SH3GL3: variants seen among roughly 807,000 people sequenced by gnomAD.
SH3GL3 encodes SH3 domain containing GRB2 like 3, endophilin A3, also known as endophilin-A3.
A neutral mutation model predicts 47.7 loss-of-function variants in SH3GL3; 33 were observed. The observed-to-expected ratio is 0.69, with a 90% confidence interval of 0.52 to 0.92. The LOEUF (loss-of-function observed/expected upper bound fraction) is 0.92, where lower values mean the gene tolerates loss of function less well. Among genes scored for constraint, SH3GL3 ranks in the 40% least tolerant of loss-of-function variants. The pLI, the probability that SH3GL3 is intolerant of heterozygous loss-of-function variation, is 0.00. For missense variants in SH3GL3, 363 were observed against 417.8 expected (o/e 0.87, Z 1.14); for synonymous variants, 155 against 148.8 (o/e 1.04, Z -0.30).
At chr15:83,495,892 T>C (rs761683582) in intron 1 of SH3GL3, among the ~76,000 whole-genome samples, 4 of 152,072 alleles carry the variant, frequency 2.6e-5, no homozygotes, top group Non-Finnish European at 5.9e-5. Context: ...TTTTTATATG[T>C]GTGTGTGTTT....
chr15:83,494,089 A>C (rs527698585), intron 1 of SH3GL3, among the ~76,000 whole-genome samples: 7 of 152,192 alleles, frequency 4.6e-5, no homozygotes, highest in Non-Finnish European at 8.8e-5. Flanking sequence ...TCCAGAGGGA[A>C]GCTGGGATAT....
At chr15:83,557,452 G>A (rs2045020060) in intron 1 of SH3GL3, among the ~76,000 whole-genome samples, 1 of 152,212 alleles carries the variant, frequency 6.6e-6, no homozygotes, top group African/African-American at 2.4e-5. Flanking sequence ...AAGGATTCTT[G>A]TTCAGTGTAC....
At chr15:83,486,021 C>A (rs994662926) in intron 1 of SH3GL3, among the ~76,000 whole-genome samples, 1 of 152,176 alleles carries the variant, frequency 6.6e-6, no homozygotes, top group Non-Finnish European at 1.5e-5. Flanking sequence ...CTTCAGTATG[C>A]ACATCTGAAA....
At chr15:83,463,206 A>G (rs1431564987) in intron 1 of SH3GL3, among the ~76,000 whole-genome samples, 1 of 152,228 alleles carries the variant, frequency 6.6e-6, no homozygotes, top group Non-Finnish European at 1.5e-5. Flanking sequence ...CGTTCTGCAC[A>G]TATGCATACA....
intron 1 of SH3GL3, among the ~76,000 whole-genome samples, chr15:83,517,165 T>C (rs2043013272): frequency 1.3e-5 from 2 of 151,918 alleles, no homozygotes. Flanking sequence ...GACACATTGT[T>C]TTCCATGTGA....
chr15:83,538,152 CTG>C (rs1388176079), intron 1 of SH3GL3, among the ~76,000 whole-genome samples: 1 of 152,116 alleles, frequency 6.6e-6, no homozygotes, highest in Non-Finnish European at 1.5e-5. Context: ...TTATTAGACT[CTG>C]TATGGCTTTG....
At chr15:83,589,947 C>G (rs1191320180) in intron 8 of SH3GL3, among the ~76,000 whole-genome samples, 1 of 152,130 alleles carries the variant, frequency 6.6e-6, no homozygotes, top group Non-Finnish European at 1.5e-5. Context: ...ACACCCATGC[C>G]AGTAGACTTC....
chr15:83,583,488 G>A (rs777782110), intron 6 of SH3GL3, among the ~76,000 whole-genome samples: 2 of 152,168 alleles, frequency 1.3e-5, no homozygotes, highest in Non-Finnish European at 1.5e-5. Flanking sequence ...GGCTCACAAG[G>A]CCAGGCCAAT....
chr15:83,598,791 C>T (rs951116230), intron 8 of SH3GL3, among the ~76,000 whole-genome samples: 7 of 152,010 alleles, frequency 4.6e-5, no homozygotes, highest in Non-Finnish European at 7.4e-5. Context: ...GAGAGGCCTC[C>T]GGTTAAAAGT....
At chr15:83,624,546 G>C in the SH3GL3 span, among the ~76,000 whole-genome samples, 1 of 152,250 alleles carries the variant, frequency 6.6e-6, no homozygotes, top group Admixed American at 6.5e-5. Flanking sequence ...CCATTAAAGA[G>C]ATGTCAGAGC....
chr15:83,624,949 T>C, the SH3GL3 span, among the ~76,000 whole-genome samples: 4 of 152,140 alleles, frequency 2.6e-5, no homozygotes, highest in Non-Finnish European at 5.9e-5. Flanking sequence ...AAGGATTTGT[T>C]ATGTTCACTT....
At chr15:83,593,426 A>G (rs895198861) in intron 8 of SH3GL3, among the ~76,000 whole-genome samples, 1 of 152,174 alleles carries the variant, frequency 6.6e-6, no homozygotes, top group Admixed American at 6.5e-5. Context: ...AAATTTTTTC[A>G]TCAATCTCTA....
chr15:83,506,807 G>A (rs541675836), intron 1 of SH3GL3, among the ~76,000 whole-genome samples: 10 of 151,896 alleles, frequency 6.6e-5, no homozygotes, highest in East Asian at 1.9e-4. Flanking sequence ...TCTCCTATGC[G>A]TTTTCTGATG....
chr15:83,578,055 C>T (rs912422758), intron 6 of SH3GL3, among the ~76,000 whole-genome samples: 7 of 152,158 alleles, frequency 4.6e-5, no homozygotes, highest in African/African-American at 9.7e-5. Flanking sequence ...GTGAAGGTCT[C>T]GGATCTTATC....
intron 1 of SH3GL3, among the ~76,000 whole-genome samples, chr15:83,544,120 T>G (rs2044294921): frequency 6.6e-6 from 1 of 152,110 alleles, no homozygotes; most frequent in Non-Finnish European, 1.5e-5. Context: ...TTGAAGTTTT[T>G]CTACTTTTTT....
intron 3 of SH3GL3, among the ~76,000 whole-genome samples, chr15:83,567,367 G>A (rs2045598488): frequency 6.6e-6 from 1 of 152,016 alleles, no homozygotes; most frequent in Non-Finnish European, 1.5e-5. Context: ...TGTATATTCT[G>A]CCTCCCAGTA....
intron 1 of SH3GL3, among the ~76,000 whole-genome samples, chr15:83,490,326 A>C (rs1218522909): frequency 6.9e-6 from 1 of 144,992 alleles, no homozygotes; most frequent in East Asian, 2.0e-4. Flanking sequence ...TACACACTGC[A>C]TTGTCCCAGT....
Position 83,618,207 on chromosome 15 carries a change from T to C in SH3GL3, c.964T>C (p.Trp322Arg). Residue 322 changes from tryptophan (W) to arginine (R), a missense_variant, in exon 9 of 9, where the codon TGG (tryptophan) becomes CGG (arginine). Coordinates refer to ENST00000427482, the MANE Select transcript of SH3GL3 (RefSeq NM_003027.5). ...ITLTNQIDEN[W>R]YEGMIHGESG... ...ATTAACCAATCAAATAGATGAAAAC[T>C]GGTATGAAGGAATGATACACGGAGA... 5.6e-6 allele frequency: 9 copies of C among 1,610,896 alleles called. No homozygotes were observed. Among genetic ancestry groups the C allele is most frequent in the Non-Finnish European group, 5.1e-6 (6 of 1,177,022 alleles).
intron 1 of SH3GL3, among the ~76,000 whole-genome samples, chr15:83,535,999 A>G (rs1293175140): frequency 6.6e-6 from 1 of 152,246 alleles, no homozygotes; most frequent in Non-Finnish European, 1.5e-5. Flanking sequence ...AGGAAGCCAC[A>G]TGGGCCAAAT....
Sources: allele counts gnomAD v4.1 joint callset (sites outside exome capture counted in the v4.1 genomes callset), GRCh38; gene constraint gnomAD v4.1.1; transcripts MANE v1.5; gene names NCBI Gene and HGNC (gene_info 2026-07-23, HGNC 2026-07-21).